The following SPATS2L variants were observed in gnomAD, a reference collection of about 807,000 sequenced individuals.
SPATS2L encodes spermatogenesis associated serine rich 2 like.
Under a neutral mutation model 59.6 loss-of-function variants are expected in SPATS2L, and 30 were observed. The observed-to-expected ratio is 0.50, with a 90% confidence interval of 0.38 to 0.68. SPATS2L has a LOEUF of 0.68. Among genes scored for constraint, SPATS2L ranks in the 30% least tolerant of loss-of-function variants. The pLI is 0.00. For synonymous variants in SPATS2L, 252 were observed against 263.5 expected (o/e 0.96, Z 0.42); for missense variants, 615 against 700.0 (o/e 0.88, Z 1.37).
chr2:200,362,497 G>A (rs73986831), intron 2 of SPATS2L, among the ~76,000 whole-genome samples: 1 of 152,254 alleles, frequency 6.6e-6, no homozygotes, highest in African/African-American at 2.4e-5. Context: ...GCAAGAAGGG[G>A]ACAAAAGAAA....
intron 3 of SPATS2L, among the ~76,000 whole-genome samples, chr2:200,396,033 A>AAATATAT (rs1553520464): frequency 1.5e-3 from 31 of 21,130 alleles, no homozygotes; most frequent in Non-Finnish European, 2.5e-3. Flanking sequence ...AAAAAAAAAA[A>AAATATAT]ATATATATAT....
chr2:200,440,925 G>A (rs993806310), intron 8 of SPATS2L, 141 bp downstream of exon 8: 10 of 778,920 alleles, frequency 1.3e-5, no homozygotes, highest in Non-Finnish European at 2.0e-5. Context: ...AAGCCCTGCA[G>A]GCAGTAGCAT....
chr2:200,465,463 GTCCTGAGACA>G (rs2106208735), intron 9 of SPATS2L, among the ~76,000 whole-genome samples: 1 of 152,346 alleles, frequency 6.6e-6, no homozygotes, highest in African/African-American at 2.4e-5. Flanking sequence ...CCCACTGGGT[GTCCTGAGACA>G]TCCTTCAGCA....
chr2:200,384,570 T>C (rs975100632), intron 2 of SPATS2L, among the ~76,000 whole-genome samples: 1 of 152,206 alleles, frequency 6.6e-6, no homozygotes. Flanking sequence ...GCCAGGATGG[T>C]CTTGATCTCC....
At chr2:200,434,386 G>C (rs971609943) in intron 6 of SPATS2L, among the ~76,000 whole-genome samples, 1 of 151,758 alleles carries the variant, frequency 6.6e-6, no homozygotes, top group Admixed American at 6.6e-5. Flanking sequence ...TTGTAGCTAG[G>C]ATTAATAAGA....
intron 8 of SPATS2L, among the ~76,000 whole-genome samples, chr2:200,455,608 A>T (rs894459023): frequency 1.3e-5 from 2 of 152,154 alleles, no homozygotes; most frequent in African/African-American, 4.8e-5. Flanking sequence ...CAAGTGTGTG[A>T]CCTTGCAGCT....
chr2:200,430,715 C>CTTTT (rs1179889614), intron 6 of SPATS2L, among the ~76,000 whole-genome samples: 10 of 127,260 alleles, frequency 7.9e-5, no homozygotes, highest in Non-Finnish European at 1.0e-4. Flanking sequence ...GAATTGTTTC[C>CTTTT]TTTTTTTTTT....
chr2:200,345,025 G>T (rs2080465305), intron 2 of SPATS2L, among the ~76,000 whole-genome samples: 1 of 152,018 alleles, frequency 6.6e-6, no homozygotes, highest in Non-Finnish European at 1.5e-5. Context: ...TTGTCTGTTT[G>T]CTCTGTTGAT....
At position 200,472,906 on chromosome 2, in the gene SPATS2L, G is replaced by A. The variant is rs199940720; in HGVS notation, c.1135G>A (p.Ala379Thr). 9 of 1,613,894 alleles carry A rather than the reference G, an allele frequency of 5.6e-6. No individual in the cohort carries two copies. The highest frequency in any genetic ancestry group is 6.8e-6 in the Non-Finnish European group (8 of 1,179,878). Residue 379 changes from alanine (A) to threonine (T), a missense_variant, in exon 12 of 13, where the codon GCA becomes ACA. Physicochemically the swap from Ala to Thr is moderately conservative, Grantham distance 58. Transcript: ENST00000409140. Reference sequence around the variant, plus strand: ...GCTGCCTCTGCTGAATGCGCACGCAGCAACCTCTGGGAAACAGAGTAACTT... The same window carrying A: ...GCTGCCTCTGCTGAATGCGCACGCAACAACCTCTGGGAAACAGAGTAACTT... ...SLLPLLNAHA[A>T]TSGKQSNFSR...
At chr2:200,323,912 G>A (rs979553836) in intron 1 of SPATS2L, among the ~76,000 whole-genome samples, 2 of 152,180 alleles carry the variant, frequency 1.3e-5, no homozygotes, top group Non-Finnish European at 1.5e-5. Context: ...AGTGCTGGAG[G>A]GGACAGGAAA....
intron 6 of SPATS2L, among the ~76,000 whole-genome samples, chr2:200,433,627 T>C (rs1360069022): frequency 6.6e-6 from 1 of 152,012 alleles, no homozygotes; most frequent in South Asian, 2.1e-4. Context: ...ATAAACCAAT[T>C]TCCAATATCA....
chr2:200,339,203 G>A (rs2080242232), intron 2 of SPATS2L, among the ~76,000 whole-genome samples: 2 of 152,066 alleles, frequency 1.3e-5, no homozygotes. Flanking sequence ...TGAAATAACA[G>A]TTCATTTTAA....
intron 8 of SPATS2L, among the ~76,000 whole-genome samples, chr2:200,458,062 A>G (rs979820334): frequency 2.6e-5 from 4 of 152,232 alleles, no homozygotes; most frequent in African/African-American, 9.6e-5. Flanking sequence ...CTTCTTGATT[A>G]CCTTTGAAGG....
At chr2:200,326,396 AAAG>A (rs1297838666) in intron 1 of SPATS2L, among the ~76,000 whole-genome samples, 3 of 152,258 alleles carry the variant, frequency 2.0e-5, no homozygotes, top group African/African-American at 7.2e-5. Context: ...AAATTATTAA[AAAG>A]AAGAAAAATT....
At chr2:200,306,105 C>T, upstream of SPATS2L, 1 of 986,360 alleles carries the variant, frequency 1.0e-6, no homozygotes, top group Non-Finnish European at 1.2e-6. Context: ...CCGGGTTGGT[C>T]GGGTTTCCAA....
At chr2:200,469,855 G>A in intron 10 of SPATS2L, 59 bp from the exon 11 acceptor site, 1 of 1,347,314 alleles carries the variant, frequency 7.4e-7, no homozygotes, top group East Asian at 2.5e-5. Context: ...CGCATCCACG[G>A]GGGTGCCTTG....
chr2:200,311,479 G>A (rs1050893254), intron 1 of SPATS2L, among the ~76,000 whole-genome samples: 3 of 152,198 alleles, frequency 2.0e-5, no homozygotes, highest in Non-Finnish European at 4.4e-5. Flanking sequence ...CTTTATGCCA[G>A]TATTTTATAC....
At chr2:200,329,615 C>T in intron 2 of SPATS2L, 135 bp downstream of exon 2, 1 of 724,802 alleles carries the variant, frequency 1.4e-6, no homozygotes, top group Non-Finnish European at 2.4e-6. Context: ...GGCTCAACAC[C>T]AGAGTTCTCT....
At chr2:200,389,312 G>A in intron 3 of SPATS2L, 29 bp downstream of exon 3, 1 of 1,514,498 alleles carries the variant, frequency 6.6e-7, no homozygotes, top group Non-Finnish European at 9.0e-7. Flanking sequence ...TTGGCTCACA[G>A]AAACTCCAAA....
Sources: gnomAD v4.1 joint callset for allele counts (sites outside exome capture counted in the v4.1 genomes callset) on GRCh38, gnomAD v4.1.1 for gene constraint, MANE v1.5 for transcripts, NCBI Gene and HGNC (gene_info 2026-07-23, HGNC 2026-07-21) for gene names.